The following EYA1 variants were observed in gnomAD, a reference collection of about 807,000 sequenced individuals.
The protein encoded by EYA1 is EYA transcriptional coactivator and phosphatase 1, also known as protein phosphatase EYA1.
In EYA1, 16 loss-of-function variants were observed where a neutral mutation model predicts 82.0. The ratio of observed to expected loss-of-function variants is 0.20; its 90% confidence interval spans 0.13 to 0.30. EYA1 has a LOEUF of 0.30. Ranked by LOEUF, EYA1 falls within the 10% of genes least tolerant of loss-of-function variation. The probability of loss-of-function intolerance (pLI) is 1.00; values close to 1 mark genes in which losing one functional copy is unlikely to be tolerated. For missense variants in EYA1, 633 were observed against 730.7 expected (o/e 0.87, Z 1.54); for synonymous variants, 261 against 264.4 (o/e 0.99, Z 0.12).
intron 3 of EYA1, chr8:71,334,424 C>T: frequency 1.9e-6 from 1 of 518,598 alleles, no homozygotes; most frequent in Non-Finnish European, 3.5e-6. Context: ...TAATTAAATT[C>T]ATCATTGTTT....
At chr8:71,263,707 G>A (rs1252509516) in intron 11 of EYA1, among the ~76,000 whole-genome samples, 1 of 152,124 alleles carries the variant, frequency 6.6e-6, no homozygotes, top group Non-Finnish European at 1.5e-5. Context: ...GGGACAGGGA[G>A]TATTTCTATC....
In EYA1 at chr8:71,215,605, G is replaced by C. The variant is rs758492963; in HGVS notation, c.1475+9C>G. On this transcript the variant is annotated intron_variant, in intron 15 of 17. Transcript: ENST00000340726. ...CATTTCCTGGCAAAGACCCCGCAGA[G>C]AGCCTCACCGGGAGTGAATGAGCGA... 16 of 1,612,424 alleles carry C rather than the reference G, an allele frequency of 9.9e-6. No homozygotes were observed. The highest frequency in any genetic ancestry group is 1.3e-5 in the Non-Finnish European group (15 of 1,178,572).
At chr8:71,379,555 G>C (rs775613432) in intron 2 of EYA1, among the ~76,000 whole-genome samples, 1 of 152,132 alleles carries the variant, frequency 6.6e-6, no homozygotes, top group African/African-American at 2.4e-5. Flanking sequence ...AGTGTGCCTG[G>C]AAGCAAGAAG....
chr8:71,232,471 T>A (rs1329541442), intron 12 of EYA1, among the ~76,000 whole-genome samples: 1 of 152,216 alleles, frequency 6.6e-6, no homozygotes, highest in East Asian at 1.9e-4. Context: ...CGTGTCTTTT[T>A]ACACGAAGCC....
At chr8:71,217,147 A>AT (rs1237355391) in intron 12 of EYA1, 124 bp from the exon 13 acceptor site, 1 of 730,748 alleles carries the variant, frequency 1.4e-6, no homozygotes, top group Non-Finnish European at 2.4e-6. Context: ...AACTATGTCA[A>AT]TCAGTAGGTG....
At chr8:71,264,265 C>A (rs997421180) in intron 11 of EYA1, among the ~76,000 whole-genome samples, 1 of 152,176 alleles carries the variant, frequency 6.6e-6, no homozygotes, top group Non-Finnish European at 1.5e-5. Context: ...GTTGTGTTGT[C>A]CCCTAAAGCA....
chr8:71,220,046 G>A (rs779328133), intron 12 of EYA1, among the ~76,000 whole-genome samples: 4 of 152,140 alleles, frequency 2.6e-5, no homozygotes, highest in Non-Finnish European at 5.9e-5. Flanking sequence ...TCTGGGCACC[G>A]TGAACCAACA....
intron 2 of EYA1, among the ~76,000 whole-genome samples, chr8:71,532,862 A>G (rs533305168): frequency 6.6e-6 from 1 of 152,360 alleles, no homozygotes; most frequent in South Asian, 2.1e-4. Flanking sequence ...GCAAAAATCA[A>G]GGTCCCCAGA....
intron 2 of EYA1, among the ~76,000 whole-genome samples, chr8:71,439,295 C>T (rs1296853685): frequency 6.6e-6 from 1 of 152,134 alleles, no homozygotes; most frequent in Non-Finnish European, 1.5e-5. Context: ...TGCTGCTTGA[C>T]TCATTGAGTT....
chr8:71,274,885 CGAGCGAGAGAGAGAGAGT>C (rs1255365437), intron 9 of EYA1, among the ~76,000 whole-genome samples: 2 of 147,370 alleles, frequency 1.4e-5, no homozygotes, highest in African/African-American at 5.2e-5. Context: ...AGAGAGTGAG[CGAGCGAGAGAGAGAGAGT>C]GAGCGAGCGA....
intron 2 of EYA1, among the ~76,000 whole-genome samples, chr8:71,405,988 C>A (rs1057471353): frequency 6.6e-6 from 1 of 152,168 alleles, no homozygotes; most frequent in Admixed American, 6.5e-5. Flanking sequence ...ATAGGGATAT[C>A]ATTAACAAAA....
intron 11 of EYA1, among the ~76,000 whole-genome samples, chr8:71,256,397 T>C (rs1814422146): frequency 6.6e-6 from 1 of 152,168 alleles, no homozygotes; most frequent in African/African-American, 2.4e-5. Flanking sequence ...AATTCTGACA[T>C]GTTATAACAC....
At chr8:71,508,438 T>A (rs2129247108) in intron 2 of EYA1, among the ~76,000 whole-genome samples, 1 of 152,278 alleles carries the variant, frequency 6.6e-6, no homozygotes, top group Non-Finnish European at 1.5e-5. Flanking sequence ...CAAGCCCAGC[T>A]ACAAACTAGT....
upstream of EYA1, among the ~76,000 whole-genome samples, chr8:71,364,404 C>T (rs144893483): frequency 4.6e-5 from 7 of 151,830 alleles, no homozygotes; most frequent in Admixed American, 4.6e-4. Context: ...GATAAAGAGC[C>T]ACATTTAAGC....
At chr8:71,504,918 C>T (rs767248366) in intron 2 of EYA1, among the ~76,000 whole-genome samples, 4 of 152,312 alleles carry the variant, frequency 2.6e-5, no homozygotes, top group Non-Finnish European at 5.9e-5. Context: ...TCTCCTGCCT[C>T]AGCCTCCCAA....
At chr8:71,342,036 G>A (rs563661336) in intron 3 of EYA1, among the ~76,000 whole-genome samples, 1 of 151,894 alleles carries the variant, frequency 6.6e-6, no homozygotes, top group South Asian at 2.1e-4. Flanking sequence ...TTTTTGTTTT[G>A]CAACTCATTC....
Position 71,317,571 on chromosome 8 carries a change from T to G in EYA1, c.537A>C (p.Pro179=). 2 of 1,614,134 alleles carry G rather than the reference T, an allele frequency of 1.2e-6. No individual in the cohort carries two copies. The highest frequency in any genetic ancestry group is 1.7e-6 in the Non-Finnish European group (2 of 1,180,006). ...SFSTPQPGQA[P]YSYQMQGSSF... ...ACAGACCTTGCATCTGGTAGCTGTA[T>G]GGTGCCTGTCCAGGTTGAGGGGTAC... The change falls in exon 7 of 18, where the codon CCA becomes CCC. Residue 179 remains proline (P), a synonymous_variant. Coordinates refer to ENST00000340726, the MANE Select transcript of EYA1 (RefSeq NM_000503.6).
chr8:71,456,325 A>C (rs1349903106), intron 2 of EYA1, among the ~76,000 whole-genome samples: 1 of 152,244 alleles, frequency 6.6e-6, no homozygotes, highest in Non-Finnish European at 1.5e-5. Flanking sequence ...GAAAATGGCC[A>C]TACTGCCAAG....
intron 2 of EYA1, among the ~76,000 whole-genome samples, chr8:71,431,914 A>G (rs1805647241): frequency 6.6e-6 from 1 of 152,072 alleles, no homozygotes; most frequent in Non-Finnish European, 1.5e-5. Context: ...TCAAGATGGG[A>G]CCCTTCCATT....
Sources: gnomAD v4.1 joint callset for allele counts (sites outside exome capture counted in the v4.1 genomes callset) on GRCh38, gnomAD v4.1.1 for gene constraint, MANE v1.5 for transcripts, NCBI Gene and HGNC (gene_info 2026-07-23, HGNC 2026-07-21) for gene names.